CLEC5A: variants seen among roughly 807,000 people sequenced by gnomAD.
CLEC5A encodes C-type lectin domain family 5 member A.
CLEC5A carries 15 observed loss-of-function variants against 24.4 expected under a neutral mutation model. The ratio of observed to expected loss-of-function variants is 0.62; its 90% CI spans 0.41 to 0.95. The LOEUF (loss-of-function observed/expected upper bound fraction) is 0.95. Ranked by LOEUF, CLEC5A falls within the 40% of genes least tolerant of loss-of-function variation. CLEC5A has a pLI of 0.00. For synonymous variants in CLEC5A, 71 were observed against 72.6 expected (o/e 0.98, Z 0.11); for missense variants, 211 against 224.0 (o/e 0.94, Z 0.37).
In CLEC5A at chr7:141,930,113, ATTC is replaced by A; in HGVS notation, c.555_557del (p.Lys185del). On this transcript the variant is annotated inframe_deletion, in exon 7 of 7. Transcript: ENST00000546910. ...TCACAGGGAACTGTGATCATTTGGC[ATTC>A]TTCTCACAGATCCTGCGGTAGCTGA... 2.5e-6 allele frequency: 4 copies of A among 1,613,086 alleles called. No individual in the cohort carries two copies. The highest frequency in any genetic ancestry group is 3.4e-6 in the Non-Finnish European group (4 of 1,179,102).
chr7:141,933,575 C>CATATATATATATAT lies in CLEC5A; in HGVS notation c.346-1763_346-1750dup, dbSNP rs3043785. Among the ~76,000 whole-genome samples the CATATATATATATAT allele has an allele frequency of 5.8e-4, 67 of 115,226 alleles. 1 individual carries two copies. Among genetic ancestry groups the CATATATATATATAT allele is most frequent in the African/African-American group, 2.7e-3 (65 of 24,046 alleles). The allele number at this position is 115,226 out of a possible 152,430, so 75.6% of individuals were successfully genotyped here. A position where few individuals can be genotyped will look rare whatever the true frequency, so the allele number is the denominator to read the frequency against. The stretch of plus-strand genomic sequence containing the variant: ...TGACTCAGCGAGTTTAGGGAGCAGG[C>CATATATATATATAT]ATATATATATATATATATATATATA... On this transcript the variant is annotated intron_variant, in intron 5 of 6. Coordinates refer to ENST00000546910, the MANE Select transcript of CLEC5A (RefSeq NM_013252.3).
chr7:141,939,375 C>T (rs1802718713), intron 4 of CLEC5A, among the ~76,000 whole-genome samples: 1 of 151,698 alleles, frequency 6.6e-6, no homozygotes. Flanking sequence ...CAATAATGGG[C>T]TATAAGATAG....
chr7:141,936,184 C>T (rs1204509359), intron 4 of CLEC5A: 2 of 520,376 alleles, frequency 3.8e-6, no homozygotes, highest in Non-Finnish European at 6.8e-6. Context: ...TAGTCATCCC[C>T]CTACAGGAAC....
Position 141,929,985 on chromosome 7 carries a change from C to T in CLEC5A, c.*119G>A, listed in dbSNP as rs781946065. ...GTGCAGAAGAAAGAAGCTCAGTTTC[C>T]CAAATGGGCAAGGACCGCTACTGGT... is the stretch of plus-strand genomic sequence containing the variant. On this transcript the variant is annotated 3_prime_UTR_variant, in exon 7 of 7. Coordinates refer to ENST00000546910, the MANE Select transcript of CLEC5A (RefSeq NM_013252.3). 2.0e-5 allele frequency: 14 copies of T among 709,334 alleles called. No homozygotes were observed. Among genetic ancestry groups the T allele is most frequent in the African/African-American group, 3.6e-5 (2 of 55,428 alleles). 43.9% of individuals were successfully genotyped at this position (709,334 alleles called of 1,614,324 possible). A position where few individuals can be genotyped will look rare whatever the true frequency, so the allele number is the denominator to read the frequency against.
At chr7:141,942,144 C>G (rs1023054761) in intron 4 of CLEC5A, among the ~76,000 whole-genome samples, 6 of 152,002 alleles carry the variant, frequency 3.9e-5, no homozygotes, top group Non-Finnish European at 8.8e-5. Context: ...AAAAAAATAA[C>G]AAAACTGGAG....
At chr7:141,936,170 C>T (rs1257189094) in intron 4 of CLEC5A, 2 of 548,346 alleles carry the variant, frequency 3.6e-6, no homozygotes, top group Non-Finnish European at 6.5e-6. Flanking sequence ...AATAAAGTTT[C>T]CATTAGTCAT....
chr7:141,930,254 A>T, intron 6 of CLEC5A, 36 bp from the exon 7 acceptor site: 1 of 1,495,532 alleles, frequency 6.7e-7, no homozygotes, highest in South Asian at 1.1e-5. Context: ...AAACAAACAA[A>T]CAAAAAACAA....
Sources: gnomAD v4.1 joint callset for allele counts (sites outside exome capture counted in the v4.1 genomes callset) on GRCh38, gnomAD v4.1.1 for gene constraint, MANE v1.5 for transcripts, NCBI Gene and HGNC (gene_info 2026-07-23, HGNC 2026-07-21) for gene names.